RUNX1T1: variants seen among roughly 807,000 people sequenced by gnomAD.
The protein encoded by RUNX1T1 is protein CBFA2T1.
A neutral mutation model predicts 62.8 loss-of-function variants in RUNX1T1; 4 were observed. That is an observed-to-expected ratio of 0.06 (90% CI 0.03 to 0.15). The LOEUF (loss-of-function observed/expected upper bound fraction) is 0.15. Among genes scored for constraint, RUNX1T1 ranks in the 10% least tolerant of loss-of-function variants. RUNX1T1 has a pLI of 1.00. For missense variants in RUNX1T1, 508 were observed against 754.3 expected (o/e 0.67, Z 3.82); for synonymous variants, 291 against 286.0 (o/e 1.02, Z -0.18).
chr8:91,997,410 C>A (rs564467144), intron 5 of RUNX1T1, among the ~76,000 whole-genome samples: 1 of 151,904 alleles, frequency 6.6e-6, no homozygotes, highest in Admixed American at 6.6e-5. Flanking sequence ...TAGGGGAAGG[C>A]AAATTGGTAG....
intron 10 of RUNX1T1, among the ~76,000 whole-genome samples, chr8:91,961,369 GCTC>G (rs1436755711): frequency 1.3e-5 from 2 of 152,220 alleles, no homozygotes; most frequent in Non-Finnish European, 2.9e-5. Flanking sequence ...CTGCTCTGCT[GCTC>G]CTGTGTGCCT....
At chr8:92,098,800 T>C (rs532536930) in intron 1 of RUNX1T1, among the ~76,000 whole-genome samples, 2 of 152,346 alleles carry the variant, frequency 1.3e-5, no homozygotes, top group African/African-American at 4.8e-5. Flanking sequence ...TGCAAACCCT[T>C]CTCTTCTACA....
intron 1 of RUNX1T1, among the ~76,000 whole-genome samples, chr8:92,039,219 C>T (rs1827989127): frequency 6.6e-6 from 1 of 150,472 alleles, no homozygotes; most frequent in African/African-American, 2.5e-5. Flanking sequence ...GTTGCCCAGG[C>T]TGGTCTCGAA....
At chr8:91,962,298 C>T (rs556293154) in intron 10 of RUNX1T1, among the ~76,000 whole-genome samples, 46 of 152,220 alleles carry the variant, frequency 3.0e-4, no homozygotes, top group Middle Eastern at 3.4e-3. Context: ...CAATCCAACA[C>T]GGAAAAACAA....
chr8:91,973,358 CT>C (rs5893187), intron 9 of RUNX1T1, among the ~76,000 whole-genome samples: 3,134 of 150,304 alleles, frequency 0.021, 106 homozygotes, highest in African/African-American at 0.072. Context: ...ATTTTTTGTA[CT>C]TTTTTTTTGC....
At chr8:92,022,410 A>T (rs758119086) in intron 1 of RUNX1T1, among the ~76,000 whole-genome samples, 1 of 152,278 alleles carries the variant, frequency 6.6e-6, no homozygotes, top group African/African-American at 2.4e-5. Context: ...CCGTGATCTG[A>T]ATGTTTCCCA....
chr8:92,100,536 T>A (rs1322218171), upstream of RUNX1T1, among the ~76,000 whole-genome samples: 1 of 152,140 alleles, frequency 6.6e-6, no homozygotes, highest in East Asian at 1.9e-4. Context: ...TTTAAAATAA[T>A]AAACCAACAA....
intron 1 of RUNX1T1, among the ~76,000 whole-genome samples, chr8:92,050,248 T>G (rs190615068): frequency 6.6e-5 from 10 of 152,326 alleles, no homozygotes; most frequent in Admixed American, 2.6e-4. Context: ...TTGAGTATTT[T>G]TTCTTAAATA....
chr8:91,992,582 G>A (rs566116320), intron 5 of RUNX1T1, among the ~76,000 whole-genome samples: 49 of 152,228 alleles, frequency 3.2e-4, no homozygotes, highest in East Asian at 5.8e-4. Context: ...AGCAAATACC[G>A]TATGCAATGC....
In RUNX1T1 at chr8:92,072,989, G is replaced by C. The variant is rs576630446; in HGVS notation, c.88+2976C>G. On this transcript the variant is annotated intron_variant, in intron 2 of 11. Transcript: ENST00000265814. ...ACCTATATATCCCATTCCATGATAT[G>C]CATGAACATAAACAGGCACTCTTTG... is the stretch of plus-strand genomic sequence containing the variant. Among the ~76,000 whole-genome samples the C allele has an allele frequency of 2.0e-5, 3 of 152,212 alleles. No homozygotes were observed. In the South Asian group the frequency reaches 6.2e-4, roughly 32 times the overall value.
At chr8:91,976,549 A>G (rs1336867091) in intron 8 of RUNX1T1, among the ~76,000 whole-genome samples, 4 of 152,232 alleles carry the variant, frequency 2.6e-5, no homozygotes, top group Non-Finnish European at 5.9e-5. Context: ...ACTCATCAGA[A>G]TGGATTCACA....
upstream of RUNX1T1, chr8:92,099,733 T>C (rs991492984): frequency 5.8e-6 from 4 of 686,848 alleles, no homozygotes; most frequent in African/African-American, 5.8e-5. Flanking sequence ...TGTCAGCTGA[T>C]GTTCATATCA....
chr8:92,099,709 T>C (rs1837952597), upstream of RUNX1T1: 2 of 867,474 alleles, frequency 2.3e-6, no homozygotes, highest in Admixed American at 6.2e-5. Flanking sequence ...GAAGAAGGCT[T>C]TGCATTCAGT....
At chr8:92,101,873 C>G (rs564018256), upstream of RUNX1T1, among the ~76,000 whole-genome samples, 14 of 152,328 alleles carry the variant, frequency 9.2e-5, no homozygotes, top group South Asian at 2.9e-3. Context: ...GCCAACCAAC[C>G]CGGTCCTTTC....
intron 1 of RUNX1T1, among the ~76,000 whole-genome samples, chr8:92,080,278 C>T (rs1835043114): frequency 6.6e-6 from 1 of 152,198 alleles, no homozygotes; most frequent in African/African-American, 2.4e-5. Flanking sequence ...CTTTCCGTGG[C>T]TACTTCTGTG....
In RUNX1T1 at chr8:92,054,973, C is replaced by A. The variant is rs559387348; in HGVS notation, c.7+7573G>T. On this transcript the variant is annotated intron_variant, in intron 1 of 10. Transcript: ENST00000396218. ...TGAGCCAAGATTGCGCCACTGCACT[C>A]CAGCCTGGGCGACAGAGTGAGACTC... is the stretch of plus-strand genomic sequence containing the variant. 2.0e-5 allele frequency among the ~76,000 whole-genome samples: 3 copies of A among 152,098 alleles called. No homozygotes were observed. In the East Asian group the frequency reaches 5.8e-4, roughly 30 times the overall value.
intron 1 of RUNX1T1, 94 bp from the exon 3 acceptor site, chr8:92,017,457 G>A (rs1823241872): frequency 4.4e-6 from 7 of 1,594,918 alleles, no homozygotes; most frequent in Non-Finnish European, 5.1e-6. Flanking sequence ...GTGAACAGAA[G>A]AAATTCAACA....
chr8:92,041,726 A>G (rs965467523), intron 1 of RUNX1T1, among the ~76,000 whole-genome samples: 3 of 152,118 alleles, frequency 2.0e-5, no homozygotes, highest in African/African-American at 7.2e-5. Flanking sequence ...TGGGTGACAG[A>G]GCACTACTCT....
At chr8:91,978,762 G>A (rs895579308) in intron 8 of RUNX1T1, among the ~76,000 whole-genome samples, 3 of 152,034 alleles carry the variant, frequency 2.0e-5, no homozygotes, top group Non-Finnish European at 4.4e-5. Flanking sequence ...TAACGTGCCA[G>A]GCTCAATTGA....
Sources: allele counts gnomAD v4.1 joint callset (sites outside exome capture counted in the v4.1 genomes callset), GRCh38; gene constraint gnomAD v4.1.1; transcripts MANE v1.5; gene names NCBI Gene and HGNC (gene_info 2026-07-23, HGNC 2026-07-21).